The following MGAT4C variants were observed in gnomAD, a reference collection of about 807,000 sequenced individuals.
The protein encoded by MGAT4C is MGAT4 family member C.
In MGAT4C, 19 loss-of-function variants were observed where a neutral mutation model predicts 40.1. The observed-to-expected ratio is 0.47, with a 90% confidence interval of 0.33 to 0.70. The LOEUF (loss-of-function observed/expected upper bound fraction) is 0.70, where lower values mean the gene tolerates loss of function less well. Among genes scored for constraint, MGAT4C ranks in the 30% least tolerant of loss-of-function variants. The pLI, the probability that MGAT4C is intolerant of heterozygous loss-of-function variation, is 0.02. For synonymous variants in MGAT4C, 181 were observed against 187.1 expected (o/e 0.97, Z 0.27); for missense variants, 491 against 563.2 (o/e 0.87, Z 1.30).
intron 1 of MGAT4C, among the ~76,000 whole-genome samples, chr12:86,760,243 T>C (rs938856247): frequency 6.6e-6 from 1 of 152,034 alleles, no homozygotes; most frequent in African/African-American, 2.4e-5. Context: ...TAGACCCTTA[T>C]CTCTCACCAT....
intron 4 of MGAT4C, among the ~76,000 whole-genome samples, chr12:86,266,190 G>C (rs907357126): frequency 6.6e-6 from 1 of 152,154 alleles, no homozygotes; most frequent in Non-Finnish European, 1.5e-5. Flanking sequence ...TAGGTGTGGT[G>C]CAAGCGGGCA....
At chr12:86,314,938 C>T (rs10858413) in intron 4 of MGAT4C, among the ~76,000 whole-genome samples, 98,716 of 151,706 alleles carry the variant, frequency 0.65, 32,900 homozygotes, top group South Asian at 0.77. Flanking sequence ...AATCTACAGA[C>T]ACAACACTAT....
intron 4 of MGAT4C, among the ~76,000 whole-genome samples, chr12:86,294,584 G>T (rs1312307383): frequency 6.6e-6 from 1 of 152,056 alleles, no homozygotes; most frequent in Admixed American, 6.5e-5. Context: ...AGACAATCTG[G>T]TTTTCTCCTT....
intron 3 of MGAT4C, among the ~76,000 whole-genome samples, chr12:86,337,893 A>C (rs917699598): frequency 4.6e-5 from 7 of 152,194 alleles, no homozygotes; most frequent in Admixed American, 2.0e-4. Context: ...GAATCACTTC[A>C]TATGTTTTAT....
At chr12:86,340,682 C>T (rs762350515) in intron 3 of MGAT4C, among the ~76,000 whole-genome samples, 2 of 151,958 alleles carry the variant, frequency 1.3e-5, no homozygotes, top group African/African-American at 4.8e-5. Context: ...AAAAGGATAT[C>T]ATTATTGATG....
At chr12:86,603,208 A>G (rs1256447094) in intron 2 of MGAT4C, among the ~76,000 whole-genome samples, 2 of 145,160 alleles carry the variant, frequency 1.4e-5, no homozygotes, top group Non-Finnish European at 3.0e-5. Flanking sequence ...ATAGAATAAT[A>G]CTATATAGTA....
intron 3 of MGAT4C, among the ~76,000 whole-genome samples, chr12:86,421,334 T>A (rs568684989): frequency 1.1e-4 from 17 of 152,206 alleles, no homozygotes; most frequent in Non-Finnish European, 1.9e-4. Flanking sequence ...CCATGGTACA[T>A]TCATCAAATT....
chr12:86,386,115 A>T (rs1033350186), intron 3 of MGAT4C, among the ~76,000 whole-genome samples: 1 of 152,044 alleles, frequency 6.6e-6, no homozygotes, highest in African/African-American at 2.4e-5. Flanking sequence ...TATTTTTAGT[A>T]GAGACGGGGT....
At position 85,956,918 on chromosome 12, in the gene MGAT4C, AT is replaced by A. The variant is rs1277574087; in HGVS notation, c.*22370del. The A allele has an allele frequency of 6.6e-6, 1 of 152,204 alleles. No individual in the cohort carries two copies. The highest frequency in any genetic ancestry group is 1.5e-5 in the Non-Finnish European group (1 of 68,024). The allele number at this position is 152,204 out of a possible 1,614,324, so 9.4% of individuals were successfully genotyped here. ...TTGACACAAGCACAGAAATACACCA[AT>A]AAGCACATACCAAAGTCAATTCTGA... On this transcript the variant is annotated 3_prime_UTR_variant, in exon 5 of 5. Coordinates refer to ENST00000611864, the MANE Select transcript of MGAT4C (RefSeq NM_001351288.2).
intron 1 of MGAT4C, among the ~76,000 whole-genome samples, chr12:86,091,677 G>T (rs1254521969): frequency 1.3e-5 from 2 of 152,020 alleles, no homozygotes; most frequent in African/African-American, 4.8e-5. Flanking sequence ...CTATTCTATT[G>T]AAAAGTGACT....
At position 86,308,102 on chromosome 12, in the gene MGAT4C, T is replaced by C. The variant is rs190462408; in HGVS notation, c.-57+25963A>G. Among the ~76,000 whole-genome samples the C allele has an allele frequency of 1.5e-3, 228 of 150,766 alleles. 28 individuals are homozygous for C. Among genetic ancestry groups the C allele is most frequent in the African/African-American group, 5.5e-3 (221 of 40,152 alleles). ...TTGTATTATTTGTATTATTTAGATGTACAATGTTTGATATCTAAGGACGTA... is the reference window on the plus strand; with the variant it reads ...TTGTATTATTTGTATTATTTAGATGCACAATGTTTGATATCTAAGGACGTA... On this transcript the variant is annotated intron_variant, in intron 4 of 7. Coordinates refer to the MGAT4C transcript ENST00000548651.
intron 1 of MGAT4C, among the ~76,000 whole-genome samples, chr12:86,235,687 C>G (rs1951504385): frequency 6.6e-6 from 1 of 151,994 alleles, no homozygotes; most frequent in African/African-American, 2.4e-5. Flanking sequence ...TCAGAAAGTA[C>G]TCTTCTTGGA....
At chr12:86,353,438 C>A (rs1566313374) in intron 3 of MGAT4C, among the ~76,000 whole-genome samples, 3 of 152,192 alleles carry the variant, frequency 2.0e-5, no homozygotes, top group Non-Finnish European at 4.4e-5. Flanking sequence ...ATTCTCCCAT[C>A]TCTTCTGGCC....
intron 2 of MGAT4C, among the ~76,000 whole-genome samples, chr12:86,031,316 T>C (rs557324810): frequency 4.0e-5 from 6 of 151,874 alleles, no homozygotes; most frequent in African/African-American, 1.4e-4. Flanking sequence ...GCCAAAATGG[T>C]CTGCATAGAA....
chr12:86,752,964 G>A (rs1386316348), intron 1 of MGAT4C, among the ~76,000 whole-genome samples: 2 of 152,004 alleles, frequency 1.3e-5, no homozygotes, highest in Non-Finnish European at 2.9e-5. Flanking sequence ...AGGAAACATG[G>A]GAAAGAACTT....
exon 3 of MGAT4C, chr12:86,435,265 C>T (rs1957116539): frequency 6.6e-6 from 1 of 151,824 alleles, no homozygotes; most frequent in Admixed American, 6.6e-5. Context: ...ATCTCCAGTT[C>T]CTGCACAAAA....
intron 1 of MGAT4C, among the ~76,000 whole-genome samples, chr12:86,083,105 T>G (rs1353305815): frequency 9.2e-5 from 14 of 152,092 alleles, no homozygotes; most frequent in Non-Finnish European, 2.9e-5. Flanking sequence ...AGTCAGAAGC[T>G]TCATTTAGTC....
chr12:86,273,288 T>G (rs913169512), intron 4 of MGAT4C, among the ~76,000 whole-genome samples: 7 of 152,336 alleles, frequency 4.6e-5, no homozygotes, highest in African/African-American at 1.7e-4. Flanking sequence ...ACTTCTCATT[T>G]ATAGATTAGT....
intron 1 of MGAT4C, among the ~76,000 whole-genome samples, chr12:86,157,111 T>A (rs2135787479): frequency 1.6e-5 from 2 of 127,702 alleles, no homozygotes; most frequent in East Asian, 4.6e-4. Context: ...ATATAAGGCA[T>A]TTTGCTTTAG....
Sources: allele counts gnomAD v4.1 joint callset (sites outside exome capture counted in the v4.1 genomes callset), GRCh38; gene constraint gnomAD v4.1.1; transcripts MANE v1.5; gene names NCBI Gene and HGNC (gene_info 2026-07-23, HGNC 2026-07-21).